The following C1QTNF3 variants were observed in gnomAD, a reference collection of about 807,000 sequenced individuals.
C1QTNF3 encodes the protein complement C1q tumor necrosis factor-related protein 3.
Under a neutral mutation model 32.6 loss-of-function variants are expected in C1QTNF3, and 26 were observed. The observed-to-expected ratio is 0.80, with a 90% CI of 0.58 to 1.11. The LOEUF (loss-of-function observed/expected upper bound fraction) is 1.11, where lower values mean the gene tolerates loss of function less well. Among genes scored for constraint, C1QTNF3 ranks in the 50% least tolerant of loss-of-function variants. The probability of loss-of-function intolerance (pLI) is 0.00; values close to 1 mark genes in which losing one functional copy is unlikely to be tolerated. For missense variants in C1QTNF3, 362 were observed against 398.2 expected, an observed-to-expected ratio of 0.91 and a Z score of 0.77; for synonymous variants, 155 against 146.0, an observed-to-expected ratio of 1.06 and a Z score of -0.44.
Position 34,020,713 on chromosome 5 carries a change from G to T in C1QTNF3, c.830C>A (p.Ser277Tyr). 1 of 1,613,886 alleles carries T rather than the reference G, an allele frequency of 6.2e-7. No individual in the cohort carries two copies. The highest frequency in any genetic ancestry group is 1.1e-5 in the South Asian group (1 of 91,042). Residue 277 changes from serine (S) to tyrosine (Y), a missense_variant, in exon 6 of 6, where the codon TCC becomes TAC. Physicochemically the swap from Ser to Tyr is moderately radical, Grantham distance 144. Coordinates refer to ENST00000382065, the MANE Select transcript of C1QTNF3 (RefSeq NM_181435.6). ...SYEMKGKSDT[S>Y]SNHAVLKLAK... is the part of the protein sequence containing the mutation. ...TAGCTTCAGCACAGCATGATTGCTGGATGTATCTGATTTGCCCTTCATTTC... is the reference window on the plus strand; with the variant it reads ...TAGCTTCAGCACAGCATGATTGCTGTATGTATCTGATTTGCCCTTCATTTC...
chr5:34,195,173 A>T, the C1QTNF3 span, among the ~76,000 whole-genome samples: 1 of 152,084 alleles, frequency 6.6e-6, no homozygotes, highest in African/African-American at 2.4e-5. Context: ...TTACACATTG[A>T]GTACATGTAT....
chr5:34,134,401 CAT>C, the C1QTNF3 span, among the ~76,000 whole-genome samples: 1 of 152,168 alleles, frequency 6.6e-6, no homozygotes, highest in Non-Finnish European at 1.5e-5. Flanking sequence ...AGTCAACACA[CAT>C]GTTCATAGAG....
At chr5:34,156,066 T>A in the C1QTNF3 span, among the ~76,000 whole-genome samples, 13 of 152,326 alleles carry the variant, frequency 8.5e-5, no homozygotes, top group Admixed American at 5.9e-4. Flanking sequence ...TCCAAATTTT[T>A]AAAAATTATT....
chr5:34,163,749 C>A, the C1QTNF3 span, among the ~76,000 whole-genome samples: 1 of 152,096 alleles, frequency 6.6e-6, no homozygotes, highest in Non-Finnish European at 1.5e-5. Flanking sequence ...TGCATTCATT[C>A]TTAAATACTA....
At chr5:34,221,978 T>G in the C1QTNF3 span, among the ~76,000 whole-genome samples, 1 of 152,016 alleles carries the variant, frequency 6.6e-6, no homozygotes, top group African/African-American at 2.4e-5. Context: ...AGAGATGACA[T>G]TAACAGGAAT....
intron 3 of C1QTNF3, among the ~76,000 whole-genome samples, chr5:34,031,885 C>G (rs558257399): frequency 6.6e-6 from 1 of 152,250 alleles, no homozygotes. Flanking sequence ...AACACACTAA[C>G]TATTCAAGCT....
At chr5:34,177,658 T>G in the C1QTNF3 span, among the ~76,000 whole-genome samples, 1 of 151,440 alleles carries the variant, frequency 6.6e-6, no homozygotes, top group Non-Finnish European at 1.5e-5. Flanking sequence ...AGCTAATTTC[T>G]GTGTTTTCTT....
the C1QTNF3 span, among the ~76,000 whole-genome samples, chr5:34,065,357 G>A: frequency 6.6e-6 from 1 of 152,098 alleles, no homozygotes; most frequent in African/African-American, 2.4e-5. Context: ...ACACCAGTCA[G>A]AATGGCTATT....
the C1QTNF3 span, among the ~76,000 whole-genome samples, chr5:34,102,895 T>C: frequency 6.6e-6 from 1 of 151,748 alleles, no homozygotes; most frequent in African/African-American, 2.4e-5. Flanking sequence ...GACGGGTTAA[T>C]GGGTGCAGCA....
the C1QTNF3 span, among the ~76,000 whole-genome samples, chr5:34,074,394 T>C: frequency 1.3e-5 from 2 of 151,674 alleles, no homozygotes; most frequent in Admixed American, 6.6e-5. Flanking sequence ...CAGACAAAAC[T>C]TGACAATTGT....
At chr5:34,179,537 A>AAAC in the C1QTNF3 span, among the ~76,000 whole-genome samples, 1 of 152,268 alleles carries the variant, frequency 6.6e-6, no homozygotes, top group African/African-American at 2.4e-5. Context: ...AAAAAAAAAA[A>AAAC]AACAAAGCAC....
chr5:34,165,094 C>T, the C1QTNF3 span: 1 of 152,174 alleles, frequency 6.6e-6, no homozygotes, highest in Non-Finnish European at 1.5e-5. Context: ...CTAAGACACC[C>T]TCCTTCTGGT....
At chr5:34,200,917 T>A in the C1QTNF3 span, 1 of 151,930 alleles carries the variant, frequency 6.6e-6, no homozygotes, top group Non-Finnish European at 1.5e-5. Flanking sequence ...TATAAACACT[T>A]CATCCTACAG....
the C1QTNF3 span, among the ~76,000 whole-genome samples, chr5:34,104,917 G>T: frequency 6.6e-6 from 1 of 151,566 alleles, no homozygotes; most frequent in Non-Finnish European, 1.5e-5. Context: ...ATTCCTATAG[G>T]CTTCTGTGAG....
At chr5:34,087,844 A>T in the C1QTNF3 span, among the ~76,000 whole-genome samples, 1 of 152,234 alleles carries the variant, frequency 6.6e-6, no homozygotes, top group Admixed American at 6.5e-5. Flanking sequence ...TTGGACTCCC[A>T]AAGTGCTGGG....
At chr5:34,214,426 A>G in the C1QTNF3 span, among the ~76,000 whole-genome samples, 1 of 151,580 alleles carries the variant, frequency 6.6e-6, no homozygotes, top group Non-Finnish European at 1.5e-5. Flanking sequence ...TATCACAGAA[A>G]AAAATAATGT....
At chr5:34,166,067 C>CA in the C1QTNF3 span, 1 of 148,940 alleles carries the variant, frequency 6.7e-6, no homozygotes, top group Non-Finnish European at 1.5e-5. Flanking sequence ...TTTAATTTGG[C>CA]AAAAAAACAG....
the C1QTNF3 span, among the ~76,000 whole-genome samples, chr5:34,075,992 A>G: frequency 6.6e-6 from 1 of 151,536 alleles, no homozygotes; most frequent in East Asian, 1.9e-4. Flanking sequence ...ACTTAAAGAC[A>G]TTGTACTAAA....
chr5:34,107,788 A>G, the C1QTNF3 span, among the ~76,000 whole-genome samples: 2 of 152,062 alleles, frequency 1.3e-5, no homozygotes, highest in Admixed American at 6.6e-5. Context: ...TTTCCTCCCA[A>G]TAAATGTTAC....
Sources: allele counts gnomAD v4.1 joint callset (sites outside exome capture counted in the v4.1 genomes callset), GRCh38; gene constraint gnomAD v4.1.1; transcripts MANE v1.5; gene names NCBI Gene and HGNC (gene_info 2026-07-23, HGNC 2026-07-21).